KCNAB1: variants seen among roughly 807,000 people sequenced by gnomAD.
KCNAB1 encodes the protein voltage-gated potassium channel subunit beta-1.
Under a neutral mutation model 64.6 loss-of-function variants are expected in KCNAB1, and 35 were observed. That is an observed-to-expected ratio of 0.54 (90% CI 0.41 to 0.72). The LOEUF (loss-of-function observed/expected upper bound fraction) is 0.72. Ranked by LOEUF, KCNAB1 falls within the 30% of genes least tolerant of loss-of-function variation. The pLI, the probability that KCNAB1 is intolerant of heterozygous loss-of-function variation, is 0.00. For missense variants in KCNAB1, 401 were observed against 512.9 expected, an observed-to-expected ratio of 0.78 and a Z score of 2.11; for synonymous variants, 177 against 183.8, an observed-to-expected ratio of 0.96 and a Z score of 0.30.
Position 156,375,333 on chromosome 3 carries a change from C to A in KCNAB1, c.276-46283C>A, listed in dbSNP as rs1711579935. The stretch of plus-strand genomic sequence containing the variant: ...TCCCTATGCAGCCCCTCACTCCCAG[C>A]CACTTTTGTGGTGGAAGCTGGGCTG... On this transcript the variant is annotated intron_variant, in intron 1 of 13. Coordinates refer to ENST00000490337, the MANE Select transcript of KCNAB1 (RefSeq NM_172160.3). 1.5e-5 allele frequency among the ~76,000 whole-genome samples: 2 copies of A among 134,542 alleles called. 1 individual carries two copies. The highest frequency in any genetic ancestry group is 3.1e-5 in the Non-Finnish European group (2 of 64,736). 88.3% of individuals were successfully genotyped at this position (134,542 alleles called of 152,430 possible). A position where few individuals can be genotyped will look rare whatever the true frequency, so the allele number is the denominator to read the frequency against.
At chr3:156,119,771 C>A (rs1220132596), upstream of KCNAB1, among the ~76,000 whole-genome samples, 1 of 152,134 alleles carries the variant, frequency 6.6e-6, no homozygotes, top group Admixed American at 6.5e-5. Context: ...GCATCTTAAC[C>A]ATAGGGCCAT....
At chr3:156,326,362 C>G (rs1008781117) in intron 1 of KCNAB1, among the ~76,000 whole-genome samples, 1 of 152,056 alleles carries the variant, frequency 6.6e-6, no homozygotes, top group South Asian at 2.1e-4. Context: ...TCTGTCTAGG[C>G]AGAGTTCTGA....
chr3:156,202,559 T>G (rs1471067521), intron 1 of KCNAB1, among the ~76,000 whole-genome samples: 1 of 152,186 alleles, frequency 6.6e-6, no homozygotes, highest in Non-Finnish European at 1.5e-5. Flanking sequence ...TCCCTGGCAT[T>G]TCTTTTCAGT....
chr3:156,311,562 C>A (rs1172287994), intron 1 of KCNAB1, among the ~76,000 whole-genome samples: 4 of 152,148 alleles, frequency 2.6e-5, no homozygotes, highest in Non-Finnish European at 4.4e-5. Context: ...GGGAGTGTGA[C>A]AAGTTGCACC....
At chr3:156,476,990 C>T (rs554718560) in intron 8 of KCNAB1, among the ~76,000 whole-genome samples, 1 of 152,034 alleles carries the variant, frequency 6.6e-6, no homozygotes, top group Non-Finnish European at 1.5e-5. Context: ...GAATTTTGTT[C>T]CCATCTTACC....
At chr3:156,449,189 A>T (rs1711812241) in intron 2 of KCNAB1, among the ~76,000 whole-genome samples, 2 of 152,206 alleles carry the variant, frequency 1.3e-5, no homozygotes, top group Non-Finnish European at 2.9e-5. Context: ...ATTAAATTTT[A>T]AAAACATTGA....
At chr3:156,439,029 CAAAAAA>C (rs34019255) in intron 2 of KCNAB1, among the ~76,000 whole-genome samples, 2 of 148,898 alleles carry the variant, frequency 1.3e-5, no homozygotes, top group Non-Finnish European at 3.0e-5. Context: ...AAACAAAAAA[CAAAAAA>C]AAAAAACCAG....
chr3:156,175,418 A>T (rs958722370), intron 1 of KCNAB1, among the ~76,000 whole-genome samples: 5 of 152,178 alleles, frequency 3.3e-5, no homozygotes, highest in African/African-American at 1.2e-4. Flanking sequence ...CAGGAGATCG[A>T]GACCATCCTG....
At chr3:156,514,978 A>T in intron 9 of KCNAB1, 122 bp from the exon 10 acceptor site, 1 of 940,796 alleles carries the variant, frequency 1.1e-6, no homozygotes, top group Non-Finnish European at 1.5e-6. Flanking sequence ...ATTATTTGGC[A>T]TCCTACATGT....
chr3:156,351,035 A>G (rs977764989), intron 1 of KCNAB1, among the ~76,000 whole-genome samples: 1 of 152,274 alleles, frequency 6.6e-6, no homozygotes, highest in Non-Finnish European at 1.5e-5. Flanking sequence ...ACAGATTAAA[A>G]GATAGTGCGG....
chr3:156,347,462 A>G (rs1192147868), intron 1 of KCNAB1, among the ~76,000 whole-genome samples: 4 of 152,232 alleles, frequency 2.6e-5, no homozygotes, highest in Admixed American at 2.0e-4. Context: ...TGGTTTTGCC[A>G]TCAGTGAGAA....
intron 1 of KCNAB1, among the ~76,000 whole-genome samples, chr3:156,242,789 G>GTT (rs76800600): frequency 9.4e-5 from 12 of 128,192 alleles, no homozygotes; most frequent in Non-Finnish European, 1.2e-4. Context: ...ATTTTTTCAA[G>GTT]TTTTTTTTTT....
chr3:156,520,555 G>T (rs1224483538), intron 11 of KCNAB1, among the ~76,000 whole-genome samples: 1 of 152,140 alleles, frequency 6.6e-6, no homozygotes, highest in Non-Finnish European at 1.5e-5. Context: ...TCCAGCCTGA[G>T]CAATACAATG....
chr3:156,509,375 G>GTGC (rs67594426), intron 8 of KCNAB1, among the ~76,000 whole-genome samples: 12,330 of 151,028 alleles, frequency 0.082, 558 homozygotes, highest in Middle Eastern at 0.18. Context: ...AAGTTTCCAG[G>GTGC]TGCTGCTGCT....
intron 1 of KCNAB1, among the ~76,000 whole-genome samples, chr3:156,153,489 G>T (rs1715535912): frequency 6.6e-6 from 1 of 152,210 alleles, no homozygotes; most frequent in Non-Finnish European, 1.5e-5. Context: ...CTGGGCCACA[G>T]GGTGCCCAGA....
chr3:156,158,183 T>G (rs200517195), intron 1 of KCNAB1, among the ~76,000 whole-genome samples: 3 of 31,978 alleles, frequency 9.4e-5, no homozygotes, highest in African/African-American at 2.6e-4. Flanking sequence ...AAATAAAAAA[T>G]AAATAAATAA....
At chr3:156,284,856 G>A (rs1013088008) in intron 1 of KCNAB1, among the ~76,000 whole-genome samples, 15 of 152,092 alleles carry the variant, frequency 9.9e-5, no homozygotes, top group South Asian at 4.1e-4. Flanking sequence ...ACTGACCTGC[G>A]CCCACAGTCT....
chr3:156,485,809 T>C (rs1028433857), intron 8 of KCNAB1, among the ~76,000 whole-genome samples: 1 of 152,128 alleles, frequency 6.6e-6, no homozygotes, highest in African/African-American at 2.4e-5. Flanking sequence ...TGTGTAGCCC[T>C]TGTTTAGTTC....
intron 1 of KCNAB1, among the ~76,000 whole-genome samples, chr3:156,230,614 A>T (rs994556112): frequency 6.6e-6 from 1 of 152,160 alleles, no homozygotes; most frequent in East Asian, 1.9e-4. Context: ...TGGAATTTAC[A>T]TGAGAGAGAG....
Sources: gnomAD v4.1 joint callset for allele counts (sites outside exome capture counted in the v4.1 genomes callset) on GRCh38, gnomAD v4.1.1 for gene constraint, MANE v1.5 for transcripts, NCBI Gene and HGNC (gene_info 2026-07-23, HGNC 2026-07-21) for gene names.